Variants in GPHN observed in about 807,000 individuals in gnomAD.
GPHN encodes the protein gephyrin.
Under a neutral mutation model 95.5 loss-of-function variants are expected in GPHN, and 17 were observed. The observed-to-expected ratio is 0.18, with a 90% CI of 0.12 to 0.27. GPHN has a LOEUF of 0.27. GPHN is among the 10% of genes least tolerant of loss of function. GPHN has a pLI of 1.00. For synonymous variants in GPHN, 320 were observed against 322.5 expected, an observed-to-expected ratio of 0.99 and a Z score of 0.08; for missense variants, 660 against 978.1, an observed-to-expected ratio of 0.67 and a Z score of 4.34.
intron 2 of GPHN, among the ~76,000 whole-genome samples, chr14:66,751,035 A>T (rs555300372): frequency 1.3e-5 from 2 of 152,062 alleles, no homozygotes; most frequent in South Asian, 2.1e-4. Context: ...CAGAATTTTT[A>T]AAAGTAGCAG....
chr14:67,348,448 G>A, the GPHN span, among the ~76,000 whole-genome samples: 2 of 150,602 alleles, frequency 1.3e-5, no homozygotes, highest in South Asian at 2.1e-4. Flanking sequence ...CTTGTGATCC[G>A]CCCACCTCAG....
intron 3 of GPHN, among the ~76,000 whole-genome samples, chr14:66,822,608 T>C (rs923833763): frequency 6.6e-6 from 1 of 152,240 alleles, no homozygotes; most frequent in Non-Finnish European, 1.5e-5. Context: ...AGATGAATTA[T>C]GTTATAAGGA....
At chr14:67,518,868 G>A in the GPHN span, among the ~76,000 whole-genome samples, 1 of 152,216 alleles carries the variant, frequency 6.6e-6, no homozygotes, top group Admixed American at 6.5e-5. Context: ...ATCAGAAAGG[G>A]TCTAGGAGGG....
chr14:67,607,974 C>T, the GPHN span, among the ~76,000 whole-genome samples: 3 of 152,064 alleles, frequency 2.0e-5, no homozygotes, highest in African/African-American at 7.2e-5. Context: ...TGGTGGCTCA[C>T]GCCTGTAATC....
chr14:67,702,100 A>G, the GPHN span, among the ~76,000 whole-genome samples: 1 of 152,086 alleles, frequency 6.6e-6, no homozygotes, highest in Admixed American at 6.6e-5. Flanking sequence ...AACAGTCATG[A>G]ACCACTGTGC....
chr14:67,186,185 G>A (rs949754435), downstream of GPHN, among the ~76,000 whole-genome samples: 2 of 152,096 alleles, frequency 1.3e-5, no homozygotes, highest in Non-Finnish European at 2.9e-5. Flanking sequence ...GTTAGGCACC[G>A]AGAATACAAT....
intron 5 of GPHN, among the ~76,000 whole-genome samples, chr14:66,895,759 T>C (rs1204450433): frequency 6.6e-6 from 1 of 152,060 alleles, no homozygotes; most frequent in Non-Finnish European, 1.5e-5. Context: ...CGTAAAGAAT[T>C]TTAAAGATAT....
intron 1 of GPHN, among the ~76,000 whole-genome samples, chr14:66,626,228 A>G (rs149436967): frequency 7.9e-5 from 12 of 152,188 alleles, no homozygotes; most frequent in Admixed American, 3.9e-4. Flanking sequence ...TTTATGTTCT[A>G]TCTTATAGAT....
the GPHN span, among the ~76,000 whole-genome samples, chr14:67,342,213 TAAA>T: frequency 4.9e-3 from 583 of 119,850 alleles, 7 homozygotes; most frequent in African/African-American, 0.018. Flanking sequence ...AATAAATAAA[TAAA>T]ATAAAATAAA....
At chr14:66,876,600 G>A (rs1308692026) in intron 4 of GPHN, among the ~76,000 whole-genome samples, 4 of 152,122 alleles carry the variant, frequency 2.6e-5, no homozygotes, top group African/African-American at 4.8e-5. Flanking sequence ...ACTACCATCA[G>A]TGAATACTAT....
the GPHN span, chr14:67,569,734 A>G: frequency 0.027 from 16,367 of 605,998 alleles, 539 homozygotes; most frequent in African/African-American, 0.12. Flanking sequence ...GGGATCCTTT[A>G]CCACATGGAG....
chr14:67,723,542 T>C, the GPHN span, among the ~76,000 whole-genome samples: 2,450 of 152,240 alleles, frequency 0.016, 77 homozygotes, highest in East Asian at 0.1. Flanking sequence ...GCCTAAAAAA[T>C]TTCTTATGAT....
At chr14:66,758,120 AC>A (rs2153451346) in intron 2 of GPHN, among the ~76,000 whole-genome samples, 1 of 152,296 alleles carries the variant, frequency 6.6e-6, no homozygotes, top group Admixed American at 6.5e-5. Flanking sequence ...AGTGTAGAAA[AC>A]CAATTAGGAA....
chr14:66,582,163 G>C (rs1269465542), intron 1 of GPHN, among the ~76,000 whole-genome samples: 1 of 151,950 alleles, frequency 6.6e-6, no homozygotes, highest in East Asian at 1.9e-4. Flanking sequence ...AATTTAAGAA[G>C]ATTGAAATTA....
At chr14:67,542,846 A>T in the GPHN span, among the ~76,000 whole-genome samples, 1 of 152,102 alleles carries the variant, frequency 6.6e-6, no homozygotes, top group Non-Finnish European at 1.5e-5. Flanking sequence ...GACTACAGGC[A>T]TGCACCACCA....
the GPHN span, among the ~76,000 whole-genome samples, chr14:67,568,001 C>T: frequency 6.6e-6 from 1 of 152,194 alleles, no homozygotes. Context: ...CCAGGGGCCC[C>T]CTCAGGACGG....
At chr14:67,060,957 A>G (rs577766420) in intron 11 of GPHN, among the ~76,000 whole-genome samples, 1 of 152,202 alleles carries the variant, frequency 6.6e-6, no homozygotes, top group Non-Finnish European at 1.5e-5. Context: ...TATTTTGTCG[A>G]CAATACTTGT....
the GPHN span, among the ~76,000 whole-genome samples, chr14:67,470,092 T>C: frequency 1 from 152,245 of 152,274 alleles, 76,108 homozygotes; most frequent in Middle Eastern, 1. Context: ...AGTGTCAGAG[T>C]AGAGACAGCA....
At chr14:67,651,959 A>T in the GPHN span, among the ~76,000 whole-genome samples, 2 of 152,038 alleles carry the variant, frequency 1.3e-5, no homozygotes. Context: ...GAGCTTAAAA[A>T]TTTTCCTATC....
Sources: allele counts gnomAD v4.1 joint callset (sites outside exome capture counted in the v4.1 genomes callset), GRCh38; gene constraint gnomAD v4.1.1; transcripts MANE v1.5; gene names NCBI Gene and HGNC (gene_info 2026-07-23, HGNC 2026-07-21).